MLXIPL: variants seen among roughly 807,000 people sequenced by gnomAD.
The protein encoded by MLXIPL is MLX interacting protein like, also known as carbohydrate-responsive element-binding protein.
In MLXIPL, 49 loss-of-function variants were observed where a neutral mutation model predicts 81.5. The ratio of observed to expected loss-of-function variants is 0.60; its 90% CI spans 0.48 to 0.76. The LOEUF is 0.76. MLXIPL is among the 30% of genes least tolerant of loss of function. MLXIPL has a pLI of 0.00. For missense variants in MLXIPL, 1,053 were observed against 1,167.0 expected (o/e 0.90, Z 1.42); for synonymous variants, 466 against 485.5 (o/e 0.96, Z 0.53).
rs1290272609 is a variant in MLXIPL at position 73,623,572 on chromosome 7, CT to C, written c.293+627del. On this transcript the variant is annotated intron_variant, in intron 1 of 16. Coordinates refer to ENST00000313375, the MANE Select transcript of MLXIPL (RefSeq NM_032951.3). The surrounding 1 kb of genome is among the most constrained non-coding windows in gnomAD (Gnocchi z 5.7). ...CCGGCGTAACCTCTGCGAGCTGCGCCTCTTGGACATTTCTGGGACATCCTCC... is the reference window on the plus strand; with the variant it reads ...CCGGCGTAACCTCTGCGAGCTGCGCCCTTGGACATTTCTGGGACATCCTCC... Among the ~76,000 whole-genome samples the C allele has an allele frequency of 6.6e-6, 1 of 152,174 alleles. No homozygotes were observed. Among genetic ancestry groups the C allele is most frequent in the Non-Finnish European group, 1.5e-5 (1 of 68,034 alleles).
chr7:73,616,848 CAAAAAAAA>C (rs35467108), intron 1 of MLXIPL, among the ~76,000 whole-genome samples: 1 of 51,636 alleles, frequency 1.9e-5, no homozygotes, highest in Non-Finnish European at 3.7e-5. Context: ...AACTCCGTCT[CAAAAAAAA>C]AAAAAAAAAA....
At chr7:73,642,502 C>A in the MLXIPL span, among the ~76,000 whole-genome samples, 33 of 152,200 alleles carry the variant, frequency 2.2e-4, no homozygotes, top group South Asian at 6.9e-3. Flanking sequence ...CAGATGAGCA[C>A]CACCACCCCT....
chr7:73,634,074 C>T, the MLXIPL span, among the ~76,000 whole-genome samples: 2 of 152,228 alleles, frequency 1.3e-5, no homozygotes, highest in South Asian at 2.1e-4. Context: ...CTTTAACTGG[C>T]GGCAAGTTGG....
chr7:73,598,295 C>G lies in MLXIPL; in HGVS notation c.1072-582G>C, dbSNP rs146820731. ...CTCATCTACCACTCTCTCCACCAGC[C>G]TACCAGATATTAACATATTAACTAA... On this transcript the variant is annotated intron_variant, in intron 8 of 16. Coordinates refer to ENST00000313375, the MANE Select transcript of MLXIPL (RefSeq NM_032951.3). Among the ~76,000 whole-genome samples, 485 of 152,244 alleles carry G rather than the reference C, an allele frequency of 3.2e-3. 3 individuals carry two copies. The highest frequency in any genetic ancestry group is 0.011 in the African/African-American group (470 of 41,540).
intron 4 of MLXIPL, 109 bp downstream of exon 4, chr7:73,607,222 G>A: frequency 1.5e-6 from 2 of 1,310,422 alleles, no homozygotes; most frequent in East Asian, 2.5e-5. Flanking sequence ...GGCCCGAGGG[G>A]CGCAAGCTCG....
the MLXIPL span, among the ~76,000 whole-genome samples, chr7:73,640,629 T>A: frequency 2.0e-5 from 3 of 151,228 alleles, no homozygotes; most frequent in Non-Finnish European, 4.4e-5. Context: ...ATACAAAAAT[T>A]AGCTGGGCAT....
the MLXIPL span, among the ~76,000 whole-genome samples, chr7:73,631,558 C>CTTTTTTTTTTTTTTTTTTTTTTTTT: frequency 2.9e-5 from 2 of 69,662 alleles, no homozygotes; most frequent in Non-Finnish European, 2.9e-5. Context: ...GATGTTGCTA[C>CTTTTTTTTTTTTTTTTTTTTTTTTT]TTTTTTTTTT....
chr7:73,613,578 A>G (rs945196428), intron 2 of MLXIPL, among the ~76,000 whole-genome samples: 4 of 152,202 alleles, frequency 2.6e-5, no homozygotes, highest in African/African-American at 9.6e-5. Context: ...AGCATGGGTG[A>G]CAGAGCAAGA....
chr7:73,624,139 CGGA>C, intron 1 of MLXIPL, 58 bp downstream of exon 1: 4 of 1,398,750 alleles, frequency 2.9e-6, no homozygotes, highest in East Asian at 2.6e-5. Context: ...AGTCCTGCCC[CGGA>C]CCCCCCCCCC....
chr7:73,627,603 C>G (rs1554604043), upstream of MLXIPL, among the ~76,000 whole-genome samples: 1 of 152,112 alleles, frequency 6.6e-6, no homozygotes, highest in Non-Finnish European at 1.5e-5. Flanking sequence ...CTGACAGGAT[C>G]ATTACTTACC....
At chr7:73,607,851 TC>T (rs1795426187) in intron 2 of MLXIPL, among the ~76,000 whole-genome samples, 179 bp from the exon 3 acceptor site, 1 of 142,024 alleles carries the variant, frequency 7.0e-6, no homozygotes, top group African/African-American at 2.7e-5. Flanking sequence ...TCCTAGATCT[TC>T]CTTTTTTTTT....
intron 7 of MLXIPL, 73 bp from the exon 8 acceptor site, chr7:73,599,768 G>C: frequency 6.9e-6 from 10 of 1,451,810 alleles, no homozygotes; most frequent in Non-Finnish European, 9.4e-6. Context: ...AGAGGAGAGT[G>C]GCCTGTCCCC....
In MLXIPL at chr7:73,593,652, C is replaced by G; in HGVS notation, c.*213G>C. ...GGACGAGTCACCCAAGGTCACGGTG[C>G]TGGAGCACAGTGGCAGAGCAGGGAC... On this transcript the variant is annotated 3_prime_UTR_variant, in exon 17 of 17. Coordinates refer to ENST00000313375, the MANE Select transcript of MLXIPL (RefSeq NM_032951.3). 1 of 561,586 alleles carries G rather than the reference C, an allele frequency of 1.8e-6. No homozygotes were observed. The highest frequency in any genetic ancestry group is 4.9e-4 in the Middle Eastern group (1 of 2,054). The allele number at this position is 561,586 out of a possible 1,614,324, so 34.8% of individuals were successfully genotyped here.
the MLXIPL span, among the ~76,000 whole-genome samples, chr7:73,642,208 T>C: frequency 1.3e-5 from 2 of 152,164 alleles, no homozygotes; most frequent in African/African-American, 2.4e-5. Flanking sequence ...AAGAGATGCA[T>C]GGGCTAGAGT....
At chr7:73,597,734 A>T in intron 8 of MLXIPL, 21 bp from the exon 9 acceptor site, 1 of 1,336,308 alleles carries the variant, frequency 7.5e-7, no homozygotes, top group Non-Finnish European at 9.6e-7. Flanking sequence ...GGACAGACAG[A>T]CACTCAGAGA....
the MLXIPL span, among the ~76,000 whole-genome samples, chr7:73,647,788 G>A: frequency 6.6e-6 from 1 of 151,562 alleles, no homozygotes; most frequent in Non-Finnish European, 1.5e-5. Context: ...GAATCCGCTC[G>A]ACCTGCAGAG....
intron 7 of MLXIPL, among the ~76,000 whole-genome samples, chr7:73,601,176 AGTGTGTGTGTGTGTGT>A (rs55639253): frequency 7.3e-6 from 1 of 137,652 alleles, no homozygotes; most frequent in African/African-American, 2.8e-5. Flanking sequence ...TGCAGGGTCA[AGTGTGTGTGTGTGTGT>A]GTGTGTGTGT....
the MLXIPL span, among the ~76,000 whole-genome samples, chr7:73,631,558 CTT>C: frequency 3.7e-4 from 26 of 69,656 alleles, no homozygotes; most frequent in African/African-American, 9.6e-4. Flanking sequence ...GATGTTGCTA[CTT>C]TTTTTTTTTT....
the MLXIPL span, among the ~76,000 whole-genome samples, chr7:73,632,800 G>A: frequency 6.7e-5 from 8 of 120,034 alleles, no homozygotes; most frequent in Admixed American, 6.9e-4. Context: ...CCTTCCTTCC[G>A]ACGGAGTCTT....
Sources: allele counts gnomAD v4.1 joint callset (sites outside exome capture counted in the v4.1 genomes callset), GRCh38; gene constraint gnomAD v4.1.1; non-coding constraint Gnocchi (gnomAD v3.1); transcripts MANE v1.5; gene names NCBI Gene and HGNC (gene_info 2026-07-23, HGNC 2026-07-21).